The following SEC14L1 variants were observed in gnomAD, a reference collection of about 807,000 sequenced individuals.
SEC14L1 encodes the protein SEC14-like protein 1.
In SEC14L1, 48 loss-of-function variants were observed where a neutral mutation model predicts 85.3. That is an observed-to-expected ratio of 0.56 (90% confidence interval 0.45 to 0.72). The LOEUF is 0.72. SEC14L1 is among the 30% of genes least tolerant of loss of function. The pLI is 0.00. For missense variants in SEC14L1, 682 were observed against 921.4 expected, an observed-to-expected ratio of 0.74 and a Z score of 3.36; for synonymous variants, 391 against 355.5, an observed-to-expected ratio of 1.10 and a Z score of -1.12.
At chr17:77,148,734 G>A (rs1016250436) in intron 3 of SEC14L1, among the ~76,000 whole-genome samples, 7 of 152,180 alleles carry the variant, frequency 4.6e-5, no homozygotes, top group East Asian at 1.9e-4. Flanking sequence ...GTTCCTTTGC[G>A]CACTCACATC....
chr17:77,119,166 C>T (rs1327358797), intron 3 of SEC14L1, among the ~76,000 whole-genome samples: 5 of 151,808 alleles, frequency 3.3e-5, no homozygotes, highest in Non-Finnish European at 5.9e-5. Context: ...AAAAATTAGC[C>T]GAGTGTGGGC....
chr17:77,129,777 C>T (rs747035086), intron 3 of SEC14L1, among the ~76,000 whole-genome samples: 20 of 152,094 alleles, frequency 1.3e-4, no homozygotes, highest in Non-Finnish European at 2.4e-4. Context: ...CACCCAGTCG[C>T]GCCTTGTGAT....
At chr17:77,191,149 T>TA in intron 4 of SEC14L1, 32 bp from the exon 5 acceptor site, 1 of 1,602,062 alleles carries the variant, frequency 6.2e-7, no homozygotes, top group South Asian at 1.1e-5. Context: ...TTGTTATTAA[T>TA]AAACCCATTT....
At chr17:77,134,498 C>G (rs1320254771) in intron 3 of SEC14L1, among the ~76,000 whole-genome samples, 4 of 152,116 alleles carry the variant, frequency 2.6e-5, no homozygotes, top group Admixed American at 6.5e-5. Flanking sequence ...TGGGTGATCA[C>G]TTGAGGTCAG....
intron 3 of SEC14L1, among the ~76,000 whole-genome samples, chr17:77,172,992 G>A (rs925462956): frequency 1.3e-5 from 2 of 152,130 alleles, no homozygotes; most frequent in Non-Finnish European, 2.9e-5. Flanking sequence ...GCAGCCCTGC[G>A]AATCATGCTC....
chr17:77,147,083 C>T (rs949648368), intron 3 of SEC14L1, among the ~76,000 whole-genome samples: 1 of 152,150 alleles, frequency 6.6e-6, no homozygotes, highest in African/African-American at 2.4e-5. Flanking sequence ...CTAGAACGCA[C>T]GGTGGCGGCA....
At chr17:77,149,166 G>A (rs1285909347) in intron 3 of SEC14L1, among the ~76,000 whole-genome samples, 2 of 152,184 alleles carry the variant, frequency 1.3e-5, no homozygotes. Flanking sequence ...GTTGGAGTTG[G>A]TGTTAGGTAC....
chr17:77,200,059 A>T (rs528601785), intron 8 of SEC14L1, among the ~76,000 whole-genome samples: 158 of 152,304 alleles, frequency 1.0e-3, no homozygotes, highest in African/African-American at 3.6e-3. Flanking sequence ...CCAGCTGCTC[A>T]GGAGGCTGAG....
chr17:77,184,936 A>G (rs1975200677), intron 3 of SEC14L1, among the ~76,000 whole-genome samples: 1 of 152,198 alleles, frequency 6.6e-6, no homozygotes, highest in Admixed American at 6.5e-5. Flanking sequence ...CATCCCAGAG[A>G]TGAAAGTTAC....
rs766859878 is a variant in SEC14L1, at chr17:77,160,121, A to G, written c.63+16462A>G. Among the ~76,000 whole-genome samples, 13 of 152,230 alleles carry G rather than the reference A, an allele frequency of 8.5e-5. No individual in the cohort carries two copies. In the South Asian group the frequency reaches 1.0e-3, roughly 12 times the overall value. On this transcript the variant is annotated intron_variant, in intron 3 of 16. Coordinates refer to ENST00000436233, the MANE Select transcript of SEC14L1 (RefSeq NM_001143998.2). ...TTTCCTGATGGATTAAAGCACTCCT[A>G]TTGGCAGCCTACTGACTCTGTGGAG...
chr17:77,136,981 C>A (rs1972818522), upstream of SEC14L1, among the ~76,000 whole-genome samples: 1 of 151,130 alleles, frequency 6.6e-6, no homozygotes, highest in African/African-American at 2.4e-5. Flanking sequence ...GCGGTCTCGG[C>A]TCACCGCAAC....
At chr17:77,129,918 C>T (rs1182884892) in intron 3 of SEC14L1, among the ~76,000 whole-genome samples, 1 of 152,258 alleles carries the variant, frequency 6.6e-6, no homozygotes, top group Non-Finnish European at 1.5e-5. Flanking sequence ...GCTGGACTTG[C>T]CAACCTAAGT....
intron 3 of SEC14L1, chr17:77,180,976 C>T (rs1427947186): frequency 2.0e-5 from 3 of 152,150 alleles, no homozygotes; most frequent in African/African-American, 7.2e-5. Context: ...CTACAGAGGA[C>T]TGAATTGTGA....
chr17:77,212,303 TAG>T, intron 15 of SEC14L1, 102 bp downstream of exon 15: 1 of 1,499,048 alleles, frequency 6.7e-7, no homozygotes, highest in Non-Finnish European at 9.0e-7. Flanking sequence ...CAGCCCTGTG[TAG>T]CTTTTGAGGC....
At chr17:77,193,303 G>A in intron 5 of SEC14L1, 118 bp from the exon 6 acceptor site, 1 of 939,914 alleles carries the variant, frequency 1.1e-6, no homozygotes, top group Admixed American at 2.8e-5. Context: ...TGTCTTTATG[G>A]TAGTAGCATT....
chr17:77,165,636 T>G (rs1974249719), intron 3 of SEC14L1, among the ~76,000 whole-genome samples: 1 of 152,188 alleles, frequency 6.6e-6, no homozygotes, highest in African/African-American at 2.4e-5. Context: ...AGGGGAGTGT[T>G]TTATTCCCAG....
intron 3 of SEC14L1, among the ~76,000 whole-genome samples, chr17:77,180,044 TTTTGTTATG>T (rs1425379897): frequency 1.3e-5 from 1 of 78,856 alleles, no homozygotes; most frequent in Non-Finnish European, 2.9e-5. Flanking sequence ...TTATGTTTTG[TTTTGTTATG>T]TTATGTTATG....
upstream of SEC14L1, among the ~76,000 whole-genome samples, chr17:77,139,499 T>A (rs1972905386): frequency 4.5e-3 from 2 of 448 alleles, no homozygotes; most frequent in Non-Finnish European, 0.012. Flanking sequence ...GTGGATGTGA[T>A]TTTTTTTTTT....
chr17:77,207,410 G>A (rs1262869997), intron 13 of SEC14L1, among the ~76,000 whole-genome samples: 1 of 151,610 alleles, frequency 6.6e-6, no homozygotes, highest in East Asian at 1.9e-4. Context: ...TTTTGTAGAG[G>A]CAGAGTCTCA....
Sources: allele counts gnomAD v4.1 joint callset (sites outside exome capture counted in the v4.1 genomes callset), GRCh38; gene constraint gnomAD v4.1.1; transcripts MANE v1.5; gene names NCBI Gene and HGNC (gene_info 2026-07-23, HGNC 2026-07-21).